NCAM1: variants seen among roughly 807,000 people sequenced by gnomAD.
NCAM1 encodes antigen recognized by monoclonal antibody 5.1H11.
Under a neutral mutation model 109.8 loss-of-function variants are expected in NCAM1, and 14 were observed. That is an observed-to-expected ratio of 0.13 (90% CI 0.08 to 0.20). NCAM1 has a LOEUF of 0.20. NCAM1 is among the 10% of genes least tolerant of loss of function. The probability of loss-of-function intolerance (pLI) is 1.00; values close to 1 mark genes in which losing one functional copy is unlikely to be tolerated. For missense variants in NCAM1, 774 were observed against 1,109.9 expected (o/e 0.70, Z 4.30); for synonymous variants, 418 against 442.9 (o/e 0.94, Z 0.70).
chr11:113,000,330 A>G lies in NCAM1; in HGVS notation c.52+38666A>G, dbSNP rs148431938. Among the ~76,000 whole-genome samples, 1,045 of 152,254 alleles carry G rather than the reference A, an allele frequency of 6.9e-3. 9 individuals carry two copies. Among genetic ancestry groups the G allele is most frequent in the Non-Finnish European group, 0.01 (692 of 68,010 alleles). ...AGAATCACACAAATGATACAATGACAGTTGTGATAAGTGCTGTGAACAGAA... is the reference window on the plus strand; with the variant it reads ...AGAATCACACAAATGATACAATGACGGTTGTGATAAGTGCTGTGAACAGAA... On this transcript the variant is annotated intron_variant, in intron 1 of 19. Coordinates refer to ENST00000316851, the MANE Select transcript of NCAM1 (RefSeq NM_181351.5).
In NCAM1 at chr11:113,271,619, G is replaced by A; in HGVS notation, c.2340-141G>A. On this transcript the variant is annotated intron_variant, in intron 18 of 19. Coordinates refer to ENST00000316851, the MANE Select transcript of NCAM1 (RefSeq NM_181351.5). ...GCTCAAGGTCACACAGCTAGCAAGG[G>A]TTGGGCTGAGACTTATACATTTGAA... The A allele has an allele frequency of 8.8e-6, 5 of 570,676 alleles. No homozygotes were observed. In the South Asian group the frequency reaches 1.2e-4, roughly 14 times the overall value. The allele number at this position is 570,676 out of a possible 1,614,324, so 35.4% of individuals were successfully genotyped here.
intron 1 of NCAM1, among the ~76,000 whole-genome samples, chr11:112,999,968 G>A (rs1209720660): frequency 6.6e-6 from 1 of 152,064 alleles, no homozygotes; most frequent in East Asian, 1.9e-4. Context: ...TGATTGTCCT[G>A]GTACACTTTC....
chr11:113,004,302 G>A (rs1290729867), intron 1 of NCAM1, among the ~76,000 whole-genome samples: 2 of 152,084 alleles, frequency 1.3e-5, no homozygotes, highest in African/African-American at 2.4e-5. Context: ...AGACCAGCCT[G>A]GCCAAGATGG....
At chr11:113,240,465 G>A (rs782519887) in intron 14 of NCAM1, 38 of 365,830 alleles carry the variant, frequency 1.0e-4, no homozygotes, top group Admixed American at 4.1e-4. Context: ...TATACCTCTC[G>A]TCCTATGGAG....
chr11:113,115,719 T>C (rs1555094718), intron 1 of NCAM1, among the ~76,000 whole-genome samples: 2 of 152,230 alleles, frequency 1.3e-5, no homozygotes, highest in African/African-American at 2.4e-5. Context: ...GTGGATGCTC[T>C]GAAGGAGGCT....
At position 113,274,896 on chromosome 11, in the gene NCAM1, G is replaced by A. The variant is rs782520485; in HGVS notation, c.2457-371G>A. On this transcript the variant is annotated intron_variant, in intron 19 of 19. Transcript: ENST00000316851. The surrounding 1 kb of genome is among the most constrained non-coding windows in gnomAD (Gnocchi z 4.1). Reference sequence around the variant, plus strand: ...TTGCCACTGCAGCTGGTCAGGGTGAGGAGGAGCTGCCTCTGCTGCCCCCTT... The same window carrying A: ...TTGCCACTGCAGCTGGTCAGGGTGAAGAGGAGCTGCCTCTGCTGCCCCCTT... Among the ~76,000 whole-genome samples, 10 of 152,164 alleles carry A rather than the reference G, an allele frequency of 6.6e-5. No homozygotes were observed. Among genetic ancestry groups the A allele is most frequent in the Admixed American group, 5.2e-4 (8 of 15,284 alleles).
chr11:113,232,142 TCC>T, intron 10 of NCAM1, 26 bp from the exon 11 acceptor site: 1 of 1,554,570 alleles, frequency 6.4e-7, no homozygotes, highest in Non-Finnish European at 8.7e-7. Context: ...ATGGCAGTCA[TCC>T]TGACAGTCAT....
chr11:113,139,413 G>A (rs1941729564), intron 1 of NCAM1, among the ~76,000 whole-genome samples: 1 of 151,350 alleles, frequency 6.6e-6, no homozygotes, highest in Non-Finnish European at 1.5e-5. Context: ...GTTTCCACAT[G>A]AAGTCTTTTT....
At chr11:113,225,834 G>A (rs565794022) in intron 9 of NCAM1, among the ~76,000 whole-genome samples, 6 of 152,268 alleles carry the variant, frequency 3.9e-5, no homozygotes, top group Admixed American at 3.9e-4. Context: ...GCCAAACTAA[G>A]CCTCATAAGT....
rs576845610 is a variant in NCAM1, at chr11:113,225,941, A to C, written c.1089+4616A>C. On this transcript the variant is annotated intron_variant, in intron 9 of 19. Transcript: ENST00000316851. ...AGAGCTCCTGAAGGAAGCACTAAAC[A>C]TGGAAAGGAACAACTGGTACCAGCC... Among the ~76,000 whole-genome samples, 3 of 152,344 alleles carry C rather than the reference A, an allele frequency of 2.0e-5. No homozygotes were observed. The East Asian group carries it at 5.8e-4, about 29-fold the overall frequency.
intron 1 of NCAM1, among the ~76,000 whole-genome samples, chr11:113,156,614 A>G (rs782329704): frequency 6.6e-6 from 1 of 152,204 alleles, no homozygotes; most frequent in Non-Finnish European, 1.5e-5. Context: ...TAGTGAAAAG[A>G]AAAGAGAAAG....
intron 1 of NCAM1, among the ~76,000 whole-genome samples, chr11:113,132,578 T>C (rs1261556083): frequency 3.4e-5 from 5 of 147,666 alleles, no homozygotes; most frequent in Non-Finnish European, 7.4e-5. Flanking sequence ...TCAGATGAGT[T>C]TGGGATCAGG....
At chr11:113,226,049 A>C (rs1394676808) in intron 9 of NCAM1, among the ~76,000 whole-genome samples, 1 of 152,244 alleles carries the variant, frequency 6.6e-6, no homozygotes, top group African/African-American at 2.4e-5. Context: ...ACCAGCTAAC[A>C]TCTCAATGAC....
chr11:113,098,185 T>G (rs1939695355), intron 1 of NCAM1, among the ~76,000 whole-genome samples: 1 of 152,142 alleles, frequency 6.6e-6, no homozygotes, highest in Non-Finnish European at 1.5e-5. Context: ...CTCATGGAAC[T>G]TCATTCTAAC....
chr11:113,171,239 G>C (rs1224195588), intron 1 of NCAM1, among the ~76,000 whole-genome samples: 6 of 152,192 alleles, frequency 3.9e-5, no homozygotes, highest in African/African-American at 1.4e-4. Context: ...TAAGTAAGTG[G>C]CAGAGCCAGA....
chr11:113,096,907 A>G (rs554806990), intron 1 of NCAM1, among the ~76,000 whole-genome samples: 1 of 152,124 alleles, frequency 6.6e-6, no homozygotes, highest in African/African-American at 2.4e-5. Context: ...AGTGTCTTCC[A>G]GCTGTCTCTC....
chr11:113,095,932 TAAATA>T (rs797041811), intron 1 of NCAM1, among the ~76,000 whole-genome samples: 2 of 152,198 alleles, frequency 1.3e-5, no homozygotes, highest in South Asian at 4.1e-4. Flanking sequence ...CTGCAAGGAT[TAAATA>T]AAATGACGTA....
chr11:113,215,310 C>T (rs551622163), intron 8 of NCAM1, among the ~76,000 whole-genome samples: 4 of 152,010 alleles, frequency 2.6e-5, no homozygotes, highest in Non-Finnish European at 4.4e-5. Context: ...CAACTTAAAC[C>T]GTCTTATGGT....
chr11:113,220,602 C>CTCTT (rs1319361444), intron 8 of NCAM1, among the ~76,000 whole-genome samples: 2 of 75,584 alleles, frequency 2.6e-5, no homozygotes, highest in African/African-American at 1.2e-4. Flanking sequence ...CTCTCTCTCT[C>CTCTT]TTTTTTTTTT....
Sources: allele counts gnomAD v4.1 joint callset (sites outside exome capture counted in the v4.1 genomes callset), GRCh38; gene constraint gnomAD v4.1.1; non-coding constraint Gnocchi (gnomAD v3.1); transcripts MANE v1.5; gene names NCBI Gene and HGNC (gene_info 2026-07-23, HGNC 2026-07-21).